The following ITGA1 variants were observed in gnomAD, a reference collection of about 807,000 sequenced individuals.
The protein encoded by ITGA1 is integrin alpha-1.
A neutral mutation model predicts 145.9 loss-of-function variants in ITGA1; 85 were observed. That is an observed-to-expected ratio of 0.58 (90% CI 0.49 to 0.70). The LOEUF (loss-of-function observed/expected upper bound fraction) is 0.70, where lower values mean the gene tolerates loss of function less well. ITGA1 is among the 30% of genes least tolerant of loss of function. The pLI is 0.00. For missense variants in ITGA1, 1,351 were observed against 1,418.7 expected (o/e 0.95, Z 0.77); for synonymous variants, 520 against 495.3 (o/e 1.05, Z -0.66).
intron 1 of ITGA1, among the ~76,000 whole-genome samples, chr5:52,804,543 C>T (rs1748554652): frequency 6.6e-6 from 1 of 152,098 alleles, no homozygotes; most frequent in African/African-American, 2.4e-5. Context: ...GCTCATTTTT[C>T]TTATCTTTAC....
chr5:52,941,245 C>T (rs558848083), intron 26 of ITGA1, among the ~76,000 whole-genome samples: 64 of 152,192 alleles, frequency 4.2e-4, no homozygotes, highest in Non-Finnish European at 7.8e-4. Flanking sequence ...AAGATATGAC[C>T]GCACGTGTCT....
chr5:52,825,635 A>G (rs1314983046), intron 1 of ITGA1, among the ~76,000 whole-genome samples: 1 of 151,854 alleles, frequency 6.6e-6, no homozygotes, highest in Non-Finnish European at 1.5e-5. Context: ...TTAGTCTAAA[A>G]TAGGCAGGGC....
intron 18 of ITGA1, among the ~76,000 whole-genome samples, chr5:52,924,014 C>G (rs1355794586): frequency 1.3e-5 from 2 of 152,074 alleles, no homozygotes; most frequent in African/African-American, 2.4e-5. Context: ...GTTCCTGTTC[C>G]CAAAGTTAGA....
intron 10 of ITGA1, 129 bp downstream of exon 10, chr5:52,897,657 T>C (rs1750247478): frequency 6.3e-6 from 4 of 637,950 alleles, no homozygotes; most frequent in South Asian, 1.9e-5. Context: ...CAGGCTATGA[T>C]GATGTTTTCT....
intron 2 of ITGA1, 130 bp from the exon 3 acceptor site, chr5:52,861,317 A>C (rs943450215): frequency 4.4e-5 from 28 of 636,034 alleles, no homozygotes; most frequent in Non-Finnish European, 7.0e-5. Context: ...CATAACATTA[A>C]ATTACTAATA....
chr5:52,910,997 G>GTATATACAC (rs1750507242), intron 14 of ITGA1, among the ~76,000 whole-genome samples: 1 of 114,920 alleles, frequency 8.7e-6, no homozygotes, highest in African/African-American at 3.8e-5. Flanking sequence ...ACTATATATA[G>GTATATACAC]TATGTATACT....
At chr5:52,788,476 G>A in intron 1 of ITGA1, 62 bp downstream of exon 1, 1 of 1,349,954 alleles carries the variant, frequency 7.4e-7, no homozygotes, top group Non-Finnish European at 9.7e-7. Context: ...GGAGCGGGGA[G>A]GGAGGTCCTC....
rs532907129 is a variant in ITGA1 at position 52,955,799 on chromosome 5, C to T, written c.*3348C>T. The T allele has an allele frequency of 6.6e-6, 1 of 152,232 alleles. No homozygotes were observed. Among genetic ancestry groups the T allele is most frequent in the South Asian group, 2.1e-4 (1 of 4,824 alleles). The allele number at this position is 152,232 out of a possible 1,614,324, so 9.4% of individuals were successfully genotyped here. On this transcript the variant is annotated 3_prime_UTR_variant, in exon 29 of 29. Coordinates refer to ENST00000282588, the MANE Select transcript of ITGA1 (RefSeq NM_181501.2). ...TTGTCAAACTATTTTCCTCTGAGCA[C>T]TAGATTCATGGGCAATTTAATCTCT...
At chr5:52,904,862 A>G (rs1750373791) in intron 11 of ITGA1, 3 of 152,168 alleles carry the variant, frequency 2.0e-5, no homozygotes, top group African/African-American at 7.2e-5. Context: ...CAAAAAAAAA[A>G]AAAAAAGGAG....
chr5:52,868,144 T>G (rs1307856113), intron 6 of ITGA1, among the ~76,000 whole-genome samples: 3 of 152,206 alleles, frequency 2.0e-5, no homozygotes, highest in Non-Finnish European at 4.4e-5. Flanking sequence ...AACTTTTTCC[T>G]TCCAAAGCTA....
intron 2 of ITGA1, among the ~76,000 whole-genome samples, chr5:52,857,406 A>G (rs1187656872): frequency 6.6e-6 from 1 of 151,968 alleles, no homozygotes; most frequent in Non-Finnish European, 1.5e-5. Flanking sequence ...TCATTTAGCC[A>G]TATGCAGATT....
At chr5:52,794,164 T>G (rs1748294755) in intron 1 of ITGA1, among the ~76,000 whole-genome samples, 1 of 151,962 alleles carries the variant, frequency 6.6e-6, no homozygotes, top group Non-Finnish European at 1.5e-5. Context: ...AATTCAAATA[T>G]GCAAAGGAGT....
chr5:52,888,778 C>T (rs1750096490), intron 8 of ITGA1, among the ~76,000 whole-genome samples: 2 of 152,158 alleles, frequency 1.3e-5, no homozygotes, highest in African/African-American at 4.8e-5. Flanking sequence ...CCTCATTATT[C>T]CTATAGCTTC....
At position 52,955,937 on chromosome 5, in the gene ITGA1, A is replaced by G. The variant is rs927089160; in HGVS notation, c.*3486A>G. 1 of 69,248 alleles carries G rather than the reference A, an allele frequency of 1.4e-5. No homozygotes were observed. The highest frequency in any genetic ancestry group is 3.2e-5 in the Non-Finnish European group (1 of 31,346). The allele number at this position is 69,248 out of a possible 1,614,324, so 4.3% of individuals were successfully genotyped here. ...TAATTTTATCTATAAATGCGTATAT[A>G]CATATATATATATATATATATACAC... On this transcript the variant is annotated 3_prime_UTR_variant, in exon 29 of 29. Coordinates refer to ENST00000282588, the MANE Select transcript of ITGA1 (RefSeq NM_181501.2).
In ITGA1 at chr5:52,911,608, T is replaced by TACACTATAC. The variant is rs1750538115; in HGVS notation, c.1857+1190_1857+1191insCACTATACA. ...TAGTGTATCTACTATATATACTATA[T>TACACTATAC]ATATAGTGTATCTACTATATATACT... On this transcript the variant is annotated intron_variant, in intron 14 of 28. Coordinates refer to ENST00000282588, the MANE Select transcript of ITGA1 (RefSeq NM_181501.2). 2.5e-4 allele frequency among the ~76,000 whole-genome samples: 10 copies of TACACTATAC among 39,274 alleles called. 3 individuals are homozygous for TACACTATAC. The highest frequency in any genetic ancestry group is 5.0e-4 in the Non-Finnish European group (9 of 17,964). 25.8% of individuals were successfully genotyped at this position (39,274 alleles called of 152,430 possible). A position where few individuals can be genotyped will look rare whatever the true frequency, so the allele number is the denominator to read the frequency against.
intron 9 of ITGA1, among the ~76,000 whole-genome samples, chr5:52,897,021 G>A (rs1750236930): frequency 6.6e-6 from 1 of 152,086 alleles, no homozygotes. Context: ...TTAAATATGT[G>A]AATGAAATTT....
At chr5:52,918,123 C>A (rs1036810920) in intron 15 of ITGA1, among the ~76,000 whole-genome samples, 3 of 151,960 alleles carry the variant, frequency 2.0e-5, no homozygotes, top group Non-Finnish European at 4.4e-5. Context: ...GTTTAAAATC[C>A]CAGGTTTTTC....
intron 2 of ITGA1, among the ~76,000 whole-genome samples, chr5:52,854,462 G>A (rs1032304077): frequency 2.0e-5 from 3 of 151,928 alleles, no homozygotes; most frequent in Admixed American, 6.6e-5. Flanking sequence ...CACCTTTTAT[G>A]AGCAAATCAC....
chr5:52,907,192 T>A (rs572820354), intron 12 of ITGA1, among the ~76,000 whole-genome samples: 131 of 152,266 alleles, frequency 8.6e-4, no homozygotes, highest in African/African-American at 3.1e-3. Flanking sequence ...AAAGGTCAGC[T>A]CCTCAAGTAT....
Sources: gnomAD v4.1 joint callset for allele counts (sites outside exome capture counted in the v4.1 genomes callset) on GRCh38, gnomAD v4.1.1 for gene constraint, MANE v1.5 for transcripts, NCBI Gene and HGNC (gene_info 2026-07-23, HGNC 2026-07-21) for gene names.